The following CSGALNACT2 variants were observed in gnomAD, a reference collection of about 807,000 sequenced individuals.
CSGALNACT2 encodes chondroitin sulfate N-acetylgalactosaminyltransferase 2.
CSGALNACT2 carries 35 observed loss-of-function variants against 55.3 expected under a neutral mutation model. That is an observed-to-expected ratio of 0.63 (90% CI 0.48 to 0.84). CSGALNACT2 has a LOEUF of 0.84. Ranked by LOEUF, CSGALNACT2 falls within the 40% of genes least tolerant of loss-of-function variation. The pLI is 0.00. For missense variants in CSGALNACT2, 544 were observed against 657.5 expected, an observed-to-expected ratio of 0.83 and a Z score of 1.89; for synonymous variants, 196 against 224.9, an observed-to-expected ratio of 0.87 and a Z score of 1.15.
At chr10:43,148,865 C>G (rs1838816299) in intron 1 of CSGALNACT2, among the ~76,000 whole-genome samples, 1 of 152,044 alleles carries the variant, frequency 6.6e-6, no homozygotes, top group African/African-American at 2.4e-5. Flanking sequence ...ATCTGGATGC[C>G]TTTTATTTCA....
intron 7 of CSGALNACT2, among the ~76,000 whole-genome samples, chr10:43,176,773 C>T (rs1839488762): frequency 6.6e-6 from 1 of 152,186 alleles, no homozygotes; most frequent in Non-Finnish European, 1.5e-5. Context: ...CATTATATTG[C>T]CTAGGCTGGT....
chr10:43,154,680 T>A (rs1261887751), intron 1 of CSGALNACT2, among the ~76,000 whole-genome samples: 1 of 152,044 alleles, frequency 6.6e-6, no homozygotes, highest in African/African-American at 2.4e-5. Context: ...TAAGCCAAGA[T>A]TGTGCCACTG....
chr10:43,171,588 T>C (rs1024989230), intron 6 of CSGALNACT2, among the ~76,000 whole-genome samples: 1 of 152,144 alleles, frequency 6.6e-6, no homozygotes, highest in African/African-American at 2.4e-5. Context: ...CCTGACCTTG[T>C]GATCTGCTGG....
chr10:43,183,767 T>A lies in CSGALNACT2; in HGVS notation c.*225T>A. 1 of 550,184 alleles carries A rather than the reference T, an allele frequency of 1.8e-6. No individual in the cohort carries two copies. The highest frequency in any genetic ancestry group is 3.2e-6 in the Non-Finnish European group (1 of 308,180). 34.1% of individuals were successfully genotyped at this position (550,184 alleles called of 1,614,324 possible). On this transcript the variant is annotated 3_prime_UTR_variant, in exon 8 of 8. Transcript: ENST00000374466. Reference sequence around the variant, plus strand: ...CTGCACTATGGAATAATTGACAAATTGAAATCTCATATTTGTCCCAAAAGT... The same window carrying A: ...CTGCACTATGGAATAATTGACAAATAGAAATCTCATATTTGTCCCAAAAGT...
intron 3 of CSGALNACT2, 33 bp from the exon 4 acceptor site, chr10:43,160,461 C>A: frequency 8.8e-7 from 1 of 1,137,046 alleles, no homozygotes; most frequent in South Asian, 1.3e-5. Flanking sequence ...CTCATGTTTT[C>A]TTGAATAAAC....
rs1401775202 is a variant in CSGALNACT2 at position 43,155,272 on chromosome 10, T to C, written c.123T>C (p.Asn41=). The C allele has an allele frequency of 6.2e-7, 1 of 1,614,172 alleles. No homozygotes were observed. Among genetic ancestry groups the C allele is most frequent in the South Asian group, 1.1e-5 (1 of 91,058 alleles). The part of the protein sequence containing the change: ...LLECAPQTDG[N]ASLPGVVGEN... ...AATGTGCCCCCCAGACTGATGGAAATGCATCTCTTCCTGGTGTTGTTGGGG... is the reference window on the plus strand; with the variant it reads ...AATGTGCCCCCCAGACTGATGGAAACGCATCTCTTCCTGGTGTTGTTGGGG... The change falls in exon 2 of 8, where the codon AAT becomes AAC. Residue 41 remains asparagine, a synonymous_variant. Coordinates refer to ENST00000374466, the MANE Select transcript of CSGALNACT2 (RefSeq NM_018590.5).
intron 1 of CSGALNACT2, among the ~76,000 whole-genome samples, chr10:43,142,476 A>G (rs1838650586): frequency 6.6e-6 from 1 of 152,200 alleles, no homozygotes; most frequent in East Asian, 1.9e-4. Flanking sequence ...TGCTGGGATT[A>G]CACGCATGAG....
intron 6 of CSGALNACT2, among the ~76,000 whole-genome samples, chr10:43,173,627 T>C (rs558757384): frequency 6.6e-6 from 1 of 152,308 alleles, no homozygotes; most frequent in East Asian, 1.9e-4. Flanking sequence ...AGAATTGGCA[T>C]GGTGTAGAGA....
intron 1 of CSGALNACT2, among the ~76,000 whole-genome samples, chr10:43,138,784 G>T (rs1838553817): frequency 6.6e-6 from 1 of 152,234 alleles, no homozygotes; most frequent in Non-Finnish European, 1.5e-5. Context: ...GCTTGTCAGT[G>T]TTGGGTTTTG....
intron 7 of CSGALNACT2, among the ~76,000 whole-genome samples, chr10:43,179,221 T>C (rs916687377): frequency 1.3e-5 from 2 of 151,324 alleles, no homozygotes; most frequent in African/African-American, 4.8e-5. Context: ...GTCTGGGCCC[T>C]AACACAGGCA....
At chr10:43,164,128 A>T in intron 5 of CSGALNACT2, 84 bp downstream of exon 5, 1 of 1,183,268 alleles carries the variant, frequency 8.5e-7, no homozygotes, top group Non-Finnish European at 1.2e-6. Context: ...AGTGATTTTG[A>T]GGGAGAAGTT....
intron 6 of CSGALNACT2, 33 bp from the exon 7 acceptor site, chr10:43,175,913 GAATTA>G (rs758398160): frequency 1.3e-6 from 2 of 1,509,436 alleles, no homozygotes; most frequent in East Asian, 2.3e-5. Context: ...GCTTCTTATG[GAATTA>G]AATTGTTTTC....
At chr10:43,178,636 A>C (rs1012625203) in intron 7 of CSGALNACT2, among the ~76,000 whole-genome samples, 21 of 150,942 alleles carry the variant, frequency 1.4e-4, no homozygotes, top group African/African-American at 3.7e-4. Flanking sequence ...AAAAAAAAAA[A>C]CCCTAATACA....
At chr10:43,161,438 A>G (rs1839146746) in intron 4 of CSGALNACT2, among the ~76,000 whole-genome samples, 1 of 152,220 alleles carries the variant, frequency 6.6e-6, no homozygotes, top group African/African-American at 2.4e-5. Context: ...CCTTTCTGCC[A>G]GTTGTGGCCA....
intron 3 of CSGALNACT2, among the ~76,000 whole-genome samples, chr10:43,159,901 T>C (rs1839107885): frequency 6.6e-6 from 1 of 152,254 alleles, no homozygotes; most frequent in Non-Finnish European, 1.5e-5. Context: ...ATTGAAATTG[T>C]TGGATTTAAA....
At position 43,184,718 on chromosome 10, in the gene CSGALNACT2, G is replaced by A. The variant is rs1027387305; in HGVS notation, c.*1176G>A. The A allele has an allele frequency of 6.6e-6, 1 of 152,138 alleles. No individual in the cohort carries two copies. The highest frequency in any genetic ancestry group is 2.4e-5 in the African/African-American group (1 of 41,438). 9.4% of individuals were successfully genotyped at this position (152,138 alleles called of 1,614,324 possible). ...TAAATTAATGAGACAAAGTGAAAAA[G>A]AAATTATATTCAGATAGGACTGCAC... On this transcript the variant is annotated 3_prime_UTR_variant, in exon 8 of 8. Coordinates refer to ENST00000374466, the MANE Select transcript of CSGALNACT2 (RefSeq NM_018590.5).
intron 7 of CSGALNACT2, among the ~76,000 whole-genome samples, chr10:43,177,440 C>T (rs1408115864): frequency 1.3e-5 from 2 of 152,196 alleles, no homozygotes; most frequent in Non-Finnish European, 2.9e-5. Flanking sequence ...CCCTCTTTCC[C>T]CCCAAACTTA....
chr10:43,158,626 C>A, intron 2 of CSGALNACT2, 89 bp from the exon 3 acceptor site: 1 of 755,372 alleles, frequency 1.3e-6, no homozygotes, highest in South Asian at 1.7e-5. Flanking sequence ...GTTTAATACC[C>A]TTTATGTTTA....
At chr10:43,162,695 CAGTG>C in intron 4 of CSGALNACT2, 1 of 984,906 alleles carries the variant, frequency 1.0e-6, no homozygotes, top group Non-Finnish European at 1.2e-6. Flanking sequence ...CACCCTAGTG[CAGTG>C]AGTGATTCTC....
Sources: allele counts gnomAD v4.1 joint callset (sites outside exome capture counted in the v4.1 genomes callset), GRCh38; gene constraint gnomAD v4.1.1; transcripts MANE v1.5; gene names NCBI Gene and HGNC (gene_info 2026-07-23, HGNC 2026-07-21).